Variants in NAV3 observed in about 807,000 individuals in gnomAD.
NAV3 encodes the protein neuron navigator 3, also known as pore membrane and/or filament interacting like protein 1.
NAV3 carries 87 observed loss-of-function variants against 244.7 expected under a neutral mutation model. The ratio of observed to expected loss-of-function variants is 0.36; its 90% CI spans 0.30 to 0.42. The LOEUF (loss-of-function observed/expected upper bound fraction) is 0.42. Ranked by LOEUF, NAV3 falls within the 20% of genes least tolerant of loss-of-function variation. The pLI, the probability that NAV3 is intolerant of heterozygous loss-of-function variation, is 1.00. For missense variants in NAV3, 2,663 were observed against 2,893.3 expected, an observed-to-expected ratio of 0.92 and a Z score of 1.83; for synonymous variants, 1,126 against 1,042.2, an observed-to-expected ratio of 1.08 and a Z score of -1.55.
intron 2 of NAV3, among the ~76,000 whole-genome samples, chr12:77,657,780 C>G (rs914475075): frequency 2.0e-4 from 30 of 152,216 alleles, no homozygotes; most frequent in African/African-American, 7.0e-4. Flanking sequence ...GGCTTCATCC[C>G]TGGGATGCAA....
chr12:77,938,931 C>CATGT (rs1555235121), intron 1 of NAV3, among the ~76,000 whole-genome samples: 12 of 142,592 alleles, frequency 8.4e-5, no homozygotes, highest in African/African-American at 2.8e-4. Context: ...AATGTGATCT[C>CATGT]GTGTGTGTGT....
chr12:77,944,295 T>C (rs146440101), intron 3 of NAV3, among the ~76,000 whole-genome samples: 346 of 152,220 alleles, frequency 2.3e-3, no homozygotes, highest in African/African-American at 7.6e-3. Context: ...TATGATCCAA[T>C]ATAAATACTT....
chr12:77,666,995 G>GTATACTTTTA (rs1565762060), intron 2 of NAV3, among the ~76,000 whole-genome samples: 2 of 152,194 alleles, frequency 1.3e-5, no homozygotes, highest in Non-Finnish European at 2.9e-5. Flanking sequence ...GTGTGTATGT[G>GTATACTTTTA]TATACTTTTT....
In NAV3 at chr12:78,007,045, G is replaced by T. The variant is rs2136583721; in HGVS notation, c.1507G>T (p.Ala503Ser). ...EMAPKKTSKI[A>S]SLIPKGSKTT... The stretch of plus-strand genomic sequence containing the variant: ...GGCTCCAAAAAAGACCTCCAAAATT[G>T]CAAGCTTGATCCCTAAGGGCAGCAA... The change falls in exon 8 of 40, where the codon GCA becomes TCA. Residue 503 changes from alanine (A) to serine (S), a missense_variant. Ala to Ser is a moderately conservative substitution (Grantham distance 99, BLOSUM62 1). Around this residue, in one of 6 missense-constraint regions of NAV3, gnomAD observed 1,521 missense variants for 1,497.0 expected, o/e 1.02. Transcript: ENST00000397909. The T allele has an allele frequency of 3.1e-6, 5 of 1,614,064 alleles. No individual in the cohort carries two copies. The highest frequency in any genetic ancestry group is 4.2e-6 in the Non-Finnish European group (5 of 1,180,018).
chr12:77,910,326 A>G (rs151214584), intron 1 of NAV3, among the ~76,000 whole-genome samples: 1 of 151,848 alleles, frequency 6.6e-6, no homozygotes, highest in South Asian at 2.1e-4. Context: ...AGAGGGGAGG[A>G]GGTGTCAGAC....
chr12:77,699,556 C>A (rs897745946), intron 2 of NAV3, among the ~76,000 whole-genome samples: 1 of 152,036 alleles, frequency 6.6e-6, no homozygotes, highest in African/African-American at 2.4e-5. Context: ...ACTTGAATGG[C>A]TGGGGGAAGG....
At chr12:77,597,245 G>T (rs560913645) in intron 2 of NAV3, among the ~76,000 whole-genome samples, 1 of 152,164 alleles carries the variant, frequency 6.6e-6, no homozygotes, top group African/African-American at 2.4e-5. Flanking sequence ...CCACCAACAA[G>T]ATACCGTATG....
chr12:77,999,418 T>C (rs1301326413), intron 7 of NAV3, among the ~76,000 whole-genome samples: 4 of 152,242 alleles, frequency 2.6e-5, no homozygotes, highest in Admixed American at 2.6e-4. Context: ...AATTCAACCA[T>C]GTGGGAACGT....
intron 2 of NAV3, among the ~76,000 whole-genome samples, chr12:77,787,613 A>G (rs993939682): frequency 2.0e-5 from 3 of 152,198 alleles, no homozygotes; most frequent in South Asian, 4.1e-4. Flanking sequence ...AGAACTCACT[A>G]TCATGAGAAC....
chr12:77,873,773 T>TATATATATATATATATA (rs762527287), intron 1 of NAV3, among the ~76,000 whole-genome samples: 2 of 128,616 alleles, frequency 1.6e-5, no homozygotes, highest in African/African-American at 2.9e-5. Context: ...TATATGTATA[T>TATATATATATATATATA]AACAGCATAT....
intron 13 of NAV3, among the ~76,000 whole-genome samples, chr12:78,117,205 T>C (rs1337547388): frequency 1.8e-5 from 1 of 54,326 alleles, no homozygotes; most frequent in Non-Finnish European, 4.1e-5. Flanking sequence ...ATGATATACA[T>C]TACATATTTA....
intron 5 of NAV3, among the ~76,000 whole-genome samples, chr12:77,991,033 T>A (rs542057431): frequency 3.5e-4 from 54 of 152,308 alleles, no homozygotes; most frequent in Non-Finnish European, 4.3e-4. Flanking sequence ...TTATTTATTT[T>A]TTTATTTTTT....
chr12:77,690,966 T>C (rs1874984207), intron 2 of NAV3, among the ~76,000 whole-genome samples: 1 of 150,882 alleles, frequency 6.6e-6, no homozygotes, highest in East Asian at 2.0e-4. Flanking sequence ...ATTGTGCTCT[T>C]AATTTTTCTT....
chr12:77,951,241 C>T (rs200385307), intron 3 of NAV3, among the ~76,000 whole-genome samples: 65 of 152,244 alleles, frequency 4.3e-4, no homozygotes, highest in Non-Finnish European at 3.5e-4. Flanking sequence ...CAAATAACCC[C>T]ATCAACAAGT....
intron 2 of NAV3, among the ~76,000 whole-genome samples, chr12:77,710,139 C>A (rs192773786): frequency 6.5e-4 from 99 of 152,280 alleles, no homozygotes; most frequent in South Asian, 1.0e-3. Context: ...TTAGGGCGTG[C>A]ACTTTTTTCT....
intron 2 of NAV3, among the ~76,000 whole-genome samples, chr12:77,591,861 CT>C (rs1194550386): frequency 6.6e-6 from 1 of 152,052 alleles, no homozygotes; most frequent in Non-Finnish European, 1.5e-5. Context: ...AACTTTACTA[CT>C]GATTAATTAG....
At chr12:78,074,341 C>T (rs1952936329) in intron 12 of NAV3, among the ~76,000 whole-genome samples, 1 of 152,102 alleles carries the variant, frequency 6.6e-6, no homozygotes, top group Admixed American at 6.5e-5. Context: ...GGTCACTGAA[C>T]CTGTGAAGTT....
intron 24 of NAV3, among the ~76,000 whole-genome samples, chr12:78,170,044 T>C (rs1957940037): frequency 6.6e-6 from 1 of 151,750 alleles, no homozygotes; most frequent in East Asian, 1.9e-4. Flanking sequence ...GAAAATCATC[T>C]CATACTCTAG....
At chr12:77,997,073 C>T (rs76468812) in intron 6 of NAV3, among the ~76,000 whole-genome samples, 1 of 151,820 alleles carries the variant, frequency 6.6e-6, no homozygotes, top group Admixed American at 6.6e-5. Flanking sequence ...AACCCCGTCT[C>T]TATCAAAATA....
Sources: allele counts gnomAD v4.1 joint callset (sites outside exome capture counted in the v4.1 genomes callset), GRCh38; gene constraint gnomAD v4.1.1; regional missense constraint gnomAD v4.1.1; transcripts MANE v1.5; gene names NCBI Gene and HGNC (gene_info 2026-07-23, HGNC 2026-07-21).